Variants in FLG2 observed in about 807,000 individuals in gnomAD.
FLG2 encodes filaggrin-2.
In FLG2, 7 loss-of-function variants were observed where a neutral mutation model predicts 3.9. That is an observed-to-expected ratio of 1.79 (90% confidence interval 1.02 to 3.36). The LOEUF is 3.36. Among genes scored for constraint, FLG2 ranks in the 30% most tolerant of loss-of-function variants. The pLI, the probability that FLG2 is intolerant of heterozygous loss-of-function variation, is 0.00. For synonymous variants in FLG2, 1,031 were observed against 1,056.1 expected (o/e 0.98, Z 0.46); for missense variants, 2,700 against 2,809.4 (o/e 0.96, Z 0.88).
In FLG2 at chr1:152,356,507, T is replaced by C; in HGVS notation, c.1279A>G (p.Thr427Ala). ...DQYGSGSSQS[T>A]SFEQHGTGLS... ...CCTGTTCCATGTTGTTCAAAGCTAGTAGACTGACTTGAACCAGACCCATAT... is the reference window on the plus strand; with the variant it reads ...CCTGTTCCATGTTGTTCAAAGCTAGCAGACTGACTTGAACCAGACCCATAT... The change falls in exon 3 of 3, where the codon ACT (threonine) becomes GCT (alanine). Residue 427 changes from threonine to alanine, a missense_variant. Transcript: ENST00000388718. 3 of 1,614,264 alleles carry C rather than the reference T, an allele frequency of 1.9e-6. No homozygotes were observed. The highest frequency in any genetic ancestry group is 2.2e-5 in the East Asian group (1 of 44,892).
At position 152,355,861 on chromosome 1, in the gene FLG2, A is replaced by G; in HGVS notation, c.1925T>C (p.Phe642Ser). 1 of 1,610,574 alleles carries G rather than the reference A, an allele frequency of 6.2e-7. No individual in the cohort carries two copies. The highest frequency in any genetic ancestry group is 8.5e-7 in the Non-Finnish European group (1 of 1,179,390). Residue 642 changes from phenylalanine to serine, a missense_variant, in exon 3 of 3, where the codon TTT becomes TCT. By Grantham distance (155) the Phe-to-Ser change is radical. Coordinates refer to ENST00000388718, the MANE Select transcript of FLG2 (RefSeq NM_001014342.3). ...GQHGSRQTSG[F>S]GQHGSGSSQS... ...ACTTGAGCCTGACCCATGTTGTCCA[A>G]AGCCAGATGTCTGTCTAGACCCATG...
rs1293756846 is a variant in FLG2 at position 152,348,768 on chromosome 1, A to G, written c.*1842T>C. On this transcript the variant is annotated 3_prime_UTR_variant, in exon 3 of 3. Coordinates refer to ENST00000388718, the MANE Select transcript of FLG2 (RefSeq NM_001014342.3). ...GATGAAATGTTTATTGCCAATTTTT[A>G]TGAAGTACAATTTTCTGGATCCTAT... 6.6e-6 allele frequency: 1 copy of G among 152,202 alleles called. No homozygotes were observed. The highest frequency in any genetic ancestry group is 1.5e-5 in the Non-Finnish European group (1 of 68,036). The allele number at this position is 152,202 out of a possible 1,614,324, so 9.4% of individuals were successfully genotyped here. A position where few individuals can be genotyped will look rare whatever the true frequency, so the allele number is the denominator to read the frequency against.
In FLG2 at chr1:152,355,956, C is replaced by T; in HGVS notation, c.1830G>A (p.Glu610=). 6.2e-7 allele frequency: 1 copy of T among 1,608,764 alleles called. No homozygotes were observed. The highest frequency in any genetic ancestry group is 8.5e-7 in the Non-Finnish European group (1 of 1,177,586). Residue 610 remains glutamate (E), a synonymous_variant, in exon 3 of 3, where the codon GAG becomes GAA. Transcript: ENST00000388718. ...SGQSSGFGQH[E]SRSGQSSYGQ... ...CATAACTAGACTGACCTGATCTAGA[C>T]TCATGTTGTCCAAAGCCAGAGGATT...
rs1444537502 is a variant in FLG2, at chr1:152,350,627, G to T, written c.7159C>A (p.Gln2387Lys). The change falls in exon 3 of 3, where the codon CAA (glutamine) becomes AAA (lysine). Residue 2387 changes from glutamine (Q) to lysine (K), a missense_variant. Physicochemically the swap from Gln to Lys is moderately conservative, Grantham distance 53. Transcript: ENST00000388718. ...SWSTDSTANK[Q>K]LSRH ...AATAACTGTCAATGTCTAGACAGTT[G>T]CTTGTTTGCAGTGCTGTCTGTTGAC... 1.2e-6 allele frequency: 2 copies of T among 1,613,624 alleles called. No individual in the cohort carries two copies. The highest frequency in any genetic ancestry group is 1.7e-6 in the Non-Finnish European group (2 of 1,179,770).
chr1:152,354,900 G>T lies in FLG2; in HGVS notation c.2886C>A (p.Gly962=), dbSNP rs34506790. The change falls in exon 3 of 3, where the codon GGC becomes GGA. Residue 962 remains glycine, a synonymous_variant. Coordinates refer to ENST00000388718, the MANE Select transcript of FLG2 (RefSeq NM_001014342.3). ...ACTGACCTGAGCCTGATCCATGTTG[G>T]CCAAAGCCAGAGGATTGACCTGAGC... ...RSGSGQSSGF[G]QHGSGSGQSS... 48 of 1,597,652 alleles carry T rather than the reference G, an allele frequency of 3.0e-5. No homozygotes were observed. In the African/African-American group the frequency reaches 4.5e-4, roughly 15 times the overall value.
chr1:152,351,028 G>A lies in FLG2; in HGVS notation c.6758C>T (p.Ser2253Phe). 1 of 1,612,768 alleles carries A rather than the reference G, an allele frequency of 6.2e-7. No homozygotes were observed. Among genetic ancestry groups the A allele is most frequent in the Non-Finnish European group, 8.5e-7 (1 of 1,179,836 alleles). ...ACTGTCACTGGACTCACTGTGGCCA[G>A]ATCCCCTTCTTCCAGTTGTCCTGGA... ...RGSRTTGRRG[S>F]GHSESSDSEV... The change falls in exon 3 of 3, where the codon TCT (serine) becomes TTT (phenylalanine). Residue 2253 changes from serine (S) to phenylalanine (F), a missense_variant. Ser to Phe is a radical substitution (Grantham distance 155). Coordinates refer to ENST00000388718, the MANE Select transcript of FLG2 (RefSeq NM_001014342.3).
At chr1:152,358,713 C>A (rs1654340959) in intron 2 of FLG2, 34 bp downstream of exon 2, 6 of 1,603,358 alleles carry the variant, frequency 3.7e-6, no homozygotes, top group Non-Finnish European at 5.1e-6. Context: ...GTACAGGACT[C>A]CAGCAGCCTT....
In FLG2 at chr1:152,354,026, G is replaced by C. The variant is rs1654087410; in HGVS notation, c.3760C>G (p.Gln1254Glu). The C allele has an allele frequency of 3.1e-6, 5 of 1,614,014 alleles. No homozygotes were observed. In the Admixed American group the frequency reaches 6.7e-5, roughly 22 times the overall value. The change falls in exon 3 of 3, where the codon CAA becomes GAA. Residue 1254 changes from glutamine to glutamate, a missense_variant. Transcript: ENST00000388718. ...INTTRHSQSGQGQSTQTGSRV... is the reference protein window; with the variant it reads ...INTTRHSQSGEGQSTQTGSRV... The stretch of plus-strand genomic sequence containing the variant: ...GACCCTGTCTGTGTGGATTGTCCTT[G>C]ACCAGACTGGCTATGTCTAGTGGTA...
intron 1 of FLG2, 56 bp from the exon 2 acceptor site, chr1:152,358,962 AT>A: frequency 6.9e-7 from 1 of 1,449,902 alleles, no homozygotes; most frequent in South Asian, 1.4e-5. Flanking sequence ...TTTATCAGCA[AT>A]TTTCATTTTA....
chr1:152,351,798 A>G lies in FLG2; in HGVS notation c.5988T>C (p.Thr1996=). The part of the protein sequence containing the change: ...SGSSVHERHG[T]THGQTADTTR... Reference sequence around the variant, plus strand: ...TGGTATCTGCTGTTTGTCCATGAGTAGTTCCGTGTCTCTCATGAACTGAGG... The same window carrying G: ...TGGTATCTGCTGTTTGTCCATGAGTGGTTCCGTGTCTCTCATGAACTGAGG... The change falls in exon 3 of 3, where the codon ACT becomes ACC. Residue 1996 remains threonine (T), a synonymous_variant. Coordinates refer to ENST00000388718, the MANE Select transcript of FLG2 (RefSeq NM_001014342.3). The G allele has an allele frequency of 6.2e-7, 1 of 1,611,914 alleles. No individual in the cohort carries two copies. The highest frequency in any genetic ancestry group is 8.5e-7 in the Non-Finnish European group (1 of 1,179,800).
In FLG2 at chr1:152,355,772, C is replaced by T. The variant is rs1261118882; in HGVS notation, c.2014G>A (p.Val672Ile). 1.2e-6 allele frequency: 2 copies of T among 1,613,384 alleles called. No individual in the cohort carries two copies. The highest frequency in any genetic ancestry group is 1.7e-6 in the Non-Finnish European group (2 of 1,179,928). ...CCAGAGGATTGTCCTGAGCCAGAAA[C>T]ATGTTGTCCAAAGCCAGAGGACTGA... ...SGQSSGFGQH[V>I]SGSGQSSGFG... Residue 672 changes from valine (V) to isoleucine (I), a missense_variant, in exon 3 of 3, where the codon GTT becomes ATT. Transcript: ENST00000388718.
At position 152,356,963 on chromosome 1, in the gene FLG2, T is replaced by C. The variant is rs1457807462; in HGVS notation, c.823A>G (p.Arg275Gly). The C allele has an allele frequency of 1.9e-6, 3 of 1,614,216 alleles. No individual in the cohort carries two copies. The highest frequency in any genetic ancestry group is 3.3e-5 in the Admixed American group (2 of 60,012). Residue 275 changes from arginine to glycine, a missense_variant, in exon 3 of 3, where the codon AGG (arginine) becomes GGG (glycine). Coordinates refer to ENST00000388718, the MANE Select transcript of FLG2 (RefSeq NM_001014342.3). ...CTATAACCACATGCATGACTTCGCC[T>C]CCCACTGTCTCCTGAACCTGAACAG... ...SSCSGSGDSG[R>G]RSHACGYSNS... is the part of the protein sequence containing the mutation.
rs373956467 is a variant in FLG2 at position 152,354,652 on chromosome 1, G to T, written c.3134C>A (p.Ser1045Ter). 1.2e-6 allele frequency: 2 copies of T among 1,614,026 alleles called. No homozygotes were observed. The highest frequency in any genetic ancestry group is 1.7e-6 in the Non-Finnish European group (2 of 1,180,050). Residue 1045 changes from serine (S) to a stop codon, truncating the protein, a stop_gained, in exon 3 of 3, where the codon TCA becomes TAA. Transcript: ENST00000388718. LOFTEE classifies it low-confidence loss of function (END_TRUNC). ...TTGTCCAAAGCCAGAGGACTGATCT[G>T]AGCCTGATCCATGTTGTCCAAAGCC... Reference protein sequence around the residue: ...YSGFGQHGSGSDQSSGFGQHG... With the variant: ...YSGFGQHGSG
rs748455525 is a variant in FLG2, at chr1:152,351,828, T to G, written c.5958A>C (p.Ser1986=). 2 of 1,612,804 alleles carry G rather than the reference T, an allele frequency of 1.2e-6. No homozygotes were observed. The highest frequency in any genetic ancestry group is 1.7e-6 in the Non-Finnish European group (2 of 1,179,840). The stretch of plus-strand genomic sequence containing the variant: ...CGTGTCTCTCATGAACTGAGGATCC[T>G]GACTCTGGATAGTGAGATCCAGCTT... ...HGQAGSHYPE[S]GSSVHERHGT... Residue 1986 remains serine (S), a synonymous_variant, in exon 3 of 3, where the codon TCA becomes TCC. Transcript: ENST00000388718.
Position 152,353,653 on chromosome 1 carries a change from C to A in FLG2, c.4133G>T (p.Gly1378Val). 6.2e-7 allele frequency: 1 copy of A among 1,613,792 alleles called. No individual in the cohort carries two copies. The highest frequency in any genetic ancestry group is 1.7e-4 in the Middle Eastern group (1 of 6,058). The change falls in exon 3 of 3, where the codon GGA (glycine) becomes GTA (valine). Residue 1378 changes from glycine to valine, a missense_variant. Physicochemically the swap from Gly to Val is moderately radical, Grantham distance 109. Transcript: ENST00000388718. ...QTHSQAGSQH[G>V]ESESTVHERH... ...CTCATGAACTGTGGATTCTGACTCT[C>A]CATGTTGAGATCCAGCTTGGCTGTG...
chr1:152,356,412 A>G lies in FLG2; in HGVS notation c.1374T>C (p.Ser458=). 6.2e-7 allele frequency: 1 copy of G among 1,614,250 alleles called. No homozygotes were observed. The highest frequency in any genetic ancestry group is 1.1e-5 in the South Asian group (1 of 91,088). ...CATAGCCCAAGGATTGACTTGATGT[A>G]GACTCATGCTGGCCACAAGTTTGAC... ...GSGQTCGQHE[S]TSSQSLGYDQ... is the part of the protein sequence containing the mutation. Residue 458 remains serine (S), a synonymous_variant, in exon 3 of 3, where the codon TCT becomes TCC. Transcript: ENST00000388718.
At position 152,354,065 on chromosome 1, in the gene FLG2, C is replaced by A; in HGVS notation, c.3721G>T (p.Gly1241Cys). The A allele has an allele frequency of 6.2e-7, 1 of 1,614,228 alleles. No homozygotes were observed. The highest frequency in any genetic ancestry group is 1.6e-4 in the Middle Eastern group (1 of 6,062). ...TVHGRQETTH[G>C]QTINTTRHSQ... The stretch of plus-strand genomic sequence containing the variant: ...TGTCTAGTGGTATTTATTGTCTGAC[C>A]ATGAGTAGTTTCCTGTCTCCCATGA... Residue 1241 changes from glycine to cysteine, a missense_variant, in exon 3 of 3, where the codon GGT becomes TGT. Gly to Cys is a radical substitution (Grantham distance 159). Transcript: ENST00000388718.
chr1:152,352,064 G>A lies in FLG2; in HGVS notation c.5722C>T (p.His1908Tyr). ...GHTHSQARSQ[H>Y]GESESTVHKR... ...TGAACTGTGGATTCTGACTCTCCATGTTGAGACCTGGCTTGGCTGTGTGTG... is the reference window on the plus strand; with the variant it reads ...TGAACTGTGGATTCTGACTCTCCATATTGAGACCTGGCTTGGCTGTGTGTG... Residue 1908 changes from histidine to tyrosine, a missense_variant, in exon 3 of 3, where the codon CAT becomes TAT. Transcript: ENST00000388718. 6.2e-7 allele frequency: 1 copy of A among 1,612,752 alleles called. No homozygotes were observed. The highest frequency in any genetic ancestry group is 8.5e-7 in the Non-Finnish European group (1 of 1,179,664).
intron 1 of FLG2, 92 bp from the exon 2 acceptor site, chr1:152,358,998 AC>A: frequency 4.1e-6 from 5 of 1,224,044 alleles, no homozygotes; most frequent in Non-Finnish European, 5.6e-6. Context: ...GATTTTTTTA[AC>A]CTCTTGTTTT....
Sources: allele counts gnomAD v4.1 joint callset, GRCh38; gene constraint gnomAD v4.1.1; transcripts MANE v1.5; gene names NCBI Gene and HGNC (gene_info 2026-07-23, HGNC 2026-07-21).